SMIM35: variants seen among roughly 807,000 people sequenced by gnomAD.
SMIM35 encodes TMPRSS4 antisense RNA 1 (non-protein coding).
chr11:118,027,572 A>C (rs931347742), intron 1 of SMIM35, among the ~76,000 whole-genome samples: 1 of 152,196 alleles, frequency 6.6e-6, no homozygotes, highest in African/African-American at 2.4e-5. Context: ...GAAATAAACA[A>C]ATTTTAAAAG....
intron 1 of SMIM35, among the ~76,000 whole-genome samples, chr11:118,078,041 A>C (rs1383249432): frequency 1.1e-5 from 1 of 88,670 alleles, no homozygotes; most frequent in Admixed American, 1.5e-4. Flanking sequence ...AAAAAAAAAA[A>C]AAAGAAAGAA....
At chr11:118,009,515 T>G (rs1023087034) in intron 4 of SMIM35, among the ~76,000 whole-genome samples, 1 of 152,060 alleles carries the variant, frequency 6.6e-6, no homozygotes, top group Non-Finnish European at 1.5e-5. Flanking sequence ...TGGGCCAGAC[T>G]TGGAACCTGG....
At chr11:118,078,033 A>G (rs1255073814) in intron 1 of SMIM35, among the ~76,000 whole-genome samples, 2 of 97,662 alleles carry the variant, frequency 2.0e-5, no homozygotes, top group African/African-American at 8.0e-5. Context: ...AAAAAAAAAA[A>G]AAAAAAAAAA....
chr11:118,013,576 G>A, intron 4 of SMIM35, 172 bp downstream of exon 4: 1 of 378,092 alleles, frequency 2.6e-6, no homozygotes, highest in Non-Finnish European at 4.7e-6. Flanking sequence ...GCCAGAAGCG[G>A]GTGGGGGAAA....
chr11:118,030,907 TG>T (rs1433143113), intron 1 of SMIM35, among the ~76,000 whole-genome samples: 2 of 151,948 alleles, frequency 1.3e-5, no homozygotes, highest in African/African-American at 4.8e-5. Flanking sequence ...AAGGCCATGA[TG>T]GTGCAGCCCA....
At chr11:118,036,828 C>T (rs2058362851) in intron 1 of SMIM35, among the ~76,000 whole-genome samples, 1 of 152,180 alleles carries the variant, frequency 6.6e-6, no homozygotes, top group Non-Finnish European at 1.5e-5. Flanking sequence ...AGCTCCCATA[C>T]AAAGGGAGGG....
intron 2 of SMIM35, 36 bp downstream of exon 2, chr11:118,015,657 G>A (rs149402147): frequency 4.7e-4 from 186 of 399,204 alleles, no homozygotes; most frequent in African/African-American, 3.5e-3. Flanking sequence ...GAGGAGCTGC[G>A]CAGAACCGGG....
At chr11:118,047,218 T>G (rs1163482211) in intron 1 of SMIM35, among the ~76,000 whole-genome samples, 1 of 152,072 alleles carries the variant, frequency 6.6e-6, no homozygotes, top group Non-Finnish European at 1.5e-5. Context: ...TCTAAGGGGG[T>G]TAGCATATTG....
At position 118,085,226 on chromosome 11, in the gene SMIM35, C is replaced by CTTTT. The variant is rs67063759; in HGVS notation, c.7+1521_7+1524dup. On this transcript the variant is annotated intron_variant, in intron 1 of 4. Coordinates refer to ENST00000689828, the MANE Select transcript of SMIM35 (RefSeq NM_001394165.1). ...GATGGAGGAGTCAGATCTTCTTCTT[C>CTTTT]TTTTTTTTTTTTTTTGAGACAGAGT... Among the ~76,000 whole-genome samples, 246 of 141,878 alleles carry CTTTT rather than the reference C, an allele frequency of 1.7e-3. 5 individuals are homozygous for CTTTT. The highest frequency in any genetic ancestry group is 5.4e-3 in the South Asian group (24 of 4,458). The allele number at this position is 141,878 out of a possible 152,430, so 93.1% of individuals were successfully genotyped here. A position where few individuals can be genotyped will look rare whatever the true frequency, so the allele number is the denominator to read the frequency against.
At chr11:118,054,913 C>T (rs1034721355) in intron 1 of SMIM35, among the ~76,000 whole-genome samples, 1 of 151,684 alleles carries the variant, frequency 6.6e-6, no homozygotes, top group African/African-American at 2.4e-5. Context: ...AAGCGATTCT[C>T]CTACCTCAGC....
At chr11:118,043,802 C>CAA (rs34311391) in intron 1 of SMIM35, among the ~76,000 whole-genome samples, 37 of 105,362 alleles carry the variant, frequency 3.5e-4, no homozygotes, top group South Asian at 5.9e-4. Context: ...AACTCCATCT[C>CAA]AAAAAAAAAA....
At chr11:118,009,884 C>A (rs992843067) in intron 4 of SMIM35, among the ~76,000 whole-genome samples, 2 of 152,168 alleles carry the variant, frequency 1.3e-5, no homozygotes, top group East Asian at 1.9e-4. Flanking sequence ...CACATCAGGG[C>A]AGGGTCAGAA....
chr11:118,044,998 AG>A (rs1944074861), intron 1 of SMIM35, among the ~76,000 whole-genome samples: 2 of 152,144 alleles, frequency 1.3e-5, no homozygotes, highest in South Asian at 4.1e-4. Flanking sequence ...CAAAATCAGA[AG>A]GAAGTTCTAA....
chr11:118,083,231 T>C (rs1379904962), intron 1 of SMIM35, among the ~76,000 whole-genome samples: 1 of 152,266 alleles, frequency 6.6e-6, no homozygotes. Context: ...AAAGACTTTC[T>C]GTAACTTCCC....
chr11:118,075,223 ACAGGCTCTTGCCTCTGCC>A (rs1414732497), intron 1 of SMIM35, among the ~76,000 whole-genome samples: 1 of 152,178 alleles, frequency 6.6e-6, no homozygotes, highest in Non-Finnish European at 1.5e-5. Context: ...ACCTGAGATC[ACAGGCTCTTGCCTCTGCC>A]CAAGACTTCC....
intron 1 of SMIM35, among the ~76,000 whole-genome samples, chr11:118,020,476 C>T (rs1591278776): frequency 6.6e-6 from 1 of 152,052 alleles, no homozygotes; most frequent in African/African-American, 2.4e-5. Flanking sequence ...TTGGATAAAA[C>T]TTATATATTT....
intron 1 of SMIM35, among the ~76,000 whole-genome samples, chr11:118,083,088 C>T (rs888984227): frequency 6.6e-6 from 1 of 152,206 alleles, no homozygotes; most frequent in Non-Finnish European, 1.5e-5. Flanking sequence ...GGTCGAATCC[C>T]CCAGGGGTGC....
intron 1 of SMIM35, chr11:118,029,586 G>C (rs2058301475): frequency 2.2e-6 from 1 of 454,740 alleles, no homozygotes; most frequent in Non-Finnish European, 4.4e-6. Flanking sequence ...CTTACCCCCT[G>C]TCTGCTTCTT....
chr11:118,076,339 CG>C (rs1944685760), intron 1 of SMIM35, among the ~76,000 whole-genome samples: 1 of 151,392 alleles, frequency 6.6e-6, no homozygotes, highest in Admixed American at 6.6e-5. Flanking sequence ...CCCAGCTACT[CG>C]AGAGGCTGGA....
Sources: gnomAD v4.1 joint callset for allele counts (sites outside exome capture counted in the v4.1 genomes callset) on GRCh38, gnomAD v4.1.1 for gene constraint, MANE v1.5 for transcripts, NCBI Gene and HGNC (gene_info 2026-07-23, HGNC 2026-07-21) for gene names.